The following PARD3 variants were observed in gnomAD, a reference collection of about 807,000 sequenced individuals.
PARD3 encodes par-3 family cell polarity regulator, also known as partitioning defective 3 homolog.
In PARD3, 75 loss-of-function variants were observed where a neutral mutation model predicts 155.4. The observed-to-expected ratio is 0.48, with a 90% CI of 0.40 to 0.58. PARD3 has a LOEUF of 0.58. Ranked by LOEUF, PARD3 falls within the 20% of genes least tolerant of loss-of-function variation. The pLI is 0.00. For synonymous variants in PARD3, 576 were observed against 610.5 expected (o/e 0.94, Z 0.83); for missense variants, 1,642 against 1,721.7 (o/e 0.95, Z 0.82).
intron 2 of PARD3, among the ~76,000 whole-genome samples, chr10:34,613,909 T>C (rs2091079222): frequency 6.6e-6 from 1 of 152,154 alleles, no homozygotes; most frequent in African/African-American, 2.4e-5. Context: ...TTATCATCTA[T>C]TGTCAGCAAA....
At chr10:34,654,912 T>C (rs1042215944) in intron 2 of PARD3, among the ~76,000 whole-genome samples, 2 of 152,174 alleles carry the variant, frequency 1.3e-5, no homozygotes, top group African/African-American at 2.4e-5. Context: ...TACACTCCCG[T>C]TGCCTTACAG....
intron 5 of PARD3, among the ~76,000 whole-genome samples, chr10:34,424,676 G>T (rs957246810): frequency 2.0e-5 from 3 of 151,942 alleles, no homozygotes; most frequent in Non-Finnish European, 4.4e-5. Context: ...CACCACGCCG[G>T]ACTAATTTTT....
intron 2 of PARD3, among the ~76,000 whole-genome samples, chr10:34,542,529 C>T (rs1315240788): frequency 6.6e-6 from 1 of 152,136 alleles, no homozygotes; most frequent in East Asian, 1.9e-4. Flanking sequence ...TAGGAGACAA[C>T]CAAAAAGTTA....
intron 2 of PARD3, among the ~76,000 whole-genome samples, chr10:34,646,488 GATT>G (rs1266708163): frequency 1.3e-5 from 2 of 152,246 alleles, no homozygotes; most frequent in African/African-American, 4.8e-5. Flanking sequence ...ACTGCAAACA[GATT>G]AATATCACTT....
intron 3 of PARD3, among the ~76,000 whole-genome samples, chr10:34,507,997 G>A (rs988872085): frequency 3.9e-5 from 6 of 152,168 alleles, no homozygotes; most frequent in African/African-American, 7.2e-5. Flanking sequence ...GCAAATGTTA[G>A]AAGGACAGAT....
chr10:34,348,176 T>C lies in PARD3; in HGVS notation c.2068-61A>G, dbSNP rs1837626405. 2.1e-6 allele frequency: 3 copies of C among 1,449,766 alleles called. No individual in the cohort carries two copies. The Admixed American group carries it at 6.4e-5, about 31-fold the overall frequency. 89.8% of individuals were successfully genotyped at this position (1,449,766 alleles called of 1,614,324 possible). A position where few individuals can be genotyped will look rare whatever the true frequency, so the allele number is the denominator to read the frequency against. On this transcript the variant is annotated intron_variant, in intron 14 of 24. Transcript: ENST00000374788. ...AGTACCTGGAGGCCAATTAGCAGCA[T>C]GGGAGAATTATAACAACTTGCCCGA...
At chr10:34,427,057 T>G (rs1390647478) in intron 5 of PARD3, among the ~76,000 whole-genome samples, 2 of 152,202 alleles carry the variant, frequency 1.3e-5, no homozygotes, top group Non-Finnish European at 2.9e-5. Flanking sequence ...AAGCTGAGGA[T>G]GTATGTCGCC....
At chr10:34,704,611 AAAATATTAAAGT>A (rs1359221905) in intron 1 of PARD3, among the ~76,000 whole-genome samples, 1 of 152,220 alleles carries the variant, frequency 6.6e-6, no homozygotes, top group Non-Finnish European at 1.5e-5. Context: ...AATTTACATA[AAAATATTAAAGT>A]AAATATCAAA....
intron 7 of PARD3, among the ~76,000 whole-genome samples, chr10:34,386,512 G>C (rs1842360339): frequency 6.6e-6 from 1 of 152,128 alleles, no homozygotes; most frequent in Admixed American, 6.5e-5. Flanking sequence ...TGAACAAAGT[G>C]TTCTATCATA....
At chr10:34,313,035 T>C (rs1957787919) in intron 20 of PARD3, among the ~76,000 whole-genome samples, 1 of 152,204 alleles carries the variant, frequency 6.6e-6, no homozygotes, top group Non-Finnish European at 1.5e-5. Context: ...GAAGGCTGCT[T>C]TCCTTTAAAA....
chr10:34,608,682 C>G (rs548118909), intron 2 of PARD3, among the ~76,000 whole-genome samples: 1 of 151,762 alleles, frequency 6.6e-6, no homozygotes, highest in East Asian at 2.0e-4. Flanking sequence ...TTACAGGTGC[C>G]TGCCACCACG....
chr10:34,402,925 T>C (rs1021865091), intron 5 of PARD3, among the ~76,000 whole-genome samples: 1 of 152,186 alleles, frequency 6.6e-6, no homozygotes, highest in Non-Finnish European at 1.5e-5. Context: ...TTCACTATTA[T>C]TAATAGTTAA....
At chr10:34,661,449 A>G (rs964540138) in intron 2 of PARD3, among the ~76,000 whole-genome samples, 2 of 152,186 alleles carry the variant, frequency 1.3e-5, no homozygotes, top group Non-Finnish European at 2.9e-5. Flanking sequence ...CCCAAATTTG[A>G]TGAAAGAACA....
chr10:34,210,588 C>T (rs2133394882), intron 22 of PARD3, among the ~76,000 whole-genome samples: 1 of 152,238 alleles, frequency 6.6e-6, no homozygotes, highest in East Asian at 1.9e-4. Context: ...TCATTCTCTC[C>T]TGATTGACAT....
At chr10:34,607,560 T>C (rs1230165357) in intron 2 of PARD3, among the ~76,000 whole-genome samples, 2 of 152,254 alleles carry the variant, frequency 1.3e-5, no homozygotes, top group African/African-American at 4.8e-5. Context: ...AAATTCCAAA[T>C]GACAGCTACC....
intron 22 of PARD3, among the ~76,000 whole-genome samples, chr10:34,203,550 TAA>T (rs1951320179): frequency 6.6e-6 from 1 of 152,232 alleles, no homozygotes; most frequent in African/African-American, 2.4e-5. Context: ...CTGTATACTT[TAA>T]ATCATCTCTA....
rs116548698 is a variant in PARD3, at chr10:34,314,243, A to T, written c.3065+2864T>A. Among the ~76,000 whole-genome samples, 458 of 152,292 alleles carry T rather than the reference A, an allele frequency of 3.0e-3. 2 individuals carry two copies. Among genetic ancestry groups the T allele is most frequent in the African/African-American group, 0.01 (423 of 41,564 alleles). ...AAAGAATCAACCTGAGGGTATATTC[A>T]TCTCAAACAATCAGATCCAGAAGGT... On this transcript the variant is annotated intron_variant, in intron 20 of 24. Coordinates refer to ENST00000374788, the MANE Select transcript of PARD3 (RefSeq NM_001184785.2).
chr10:34,343,571 C>T, intron 15 of PARD3: 5 of 985,192 alleles, frequency 5.1e-6, no homozygotes, highest in Non-Finnish European at 6.0e-6. Context: ...ATATTTTCCA[C>T]TTCTTAACAT....
At chr10:34,440,187 C>T (rs527285223) in intron 5 of PARD3, among the ~76,000 whole-genome samples, 1 of 152,094 alleles carries the variant, frequency 6.6e-6, no homozygotes, top group South Asian at 2.1e-4. Context: ...GATTCAATTT[C>T]TAAAAGCAGG....
Sources: gnomAD v4.1 joint callset for allele counts (sites outside exome capture counted in the v4.1 genomes callset) on GRCh38, gnomAD v4.1.1 for gene constraint, MANE v1.5 for transcripts, NCBI Gene and HGNC (gene_info 2026-07-23, HGNC 2026-07-21) for gene names.